VWC2: variants seen among roughly 807,000 people sequenced by gnomAD.
VWC2 encodes von Willebrand factor C domain containing 2.
VWC2 carries 14 observed loss-of-function variants against 29.8 expected under a neutral mutation model. That is an observed-to-expected ratio of 0.47 (90% CI 0.31 to 0.74). The LOEUF is 0.74. VWC2 is among the 30% of genes least tolerant of loss of function. The pLI, the probability that VWC2 is intolerant of heterozygous loss-of-function variation, is 0.05. For missense variants in VWC2, 457 were observed against 459.8 expected, an observed-to-expected ratio of 0.99 and a Z score of 0.05; for synonymous variants, 213 against 199.0, an observed-to-expected ratio of 1.07 and a Z score of -0.59.
intron 3 of VWC2, among the ~76,000 whole-genome samples, chr7:49,892,906 A>G (rs950946607): frequency 1.3e-5 from 2 of 152,200 alleles, no homozygotes; most frequent in Admixed American, 6.5e-5. Context: ...GGTTCTCAGT[A>G]TATGTTAGCA....
At chr7:49,882,030 C>T (rs147486511) in intron 3 of VWC2, among the ~76,000 whole-genome samples, 82 of 151,884 alleles carry the variant, frequency 5.4e-4, no homozygotes, top group Middle Eastern at 6.8e-3. Flanking sequence ...AGCACCCAAG[C>T]GCCATCTGCC....
At chr7:49,815,168 A>G (rs909979250) in intron 3 of VWC2, among the ~76,000 whole-genome samples, 1 of 152,220 alleles carries the variant, frequency 6.6e-6, no homozygotes, top group Non-Finnish European at 1.5e-5. Flanking sequence ...AAGATGAGTC[A>G]AGCAATGGTG....
At chr7:49,801,964 C>A (rs1321022104) in intron 2 of VWC2, among the ~76,000 whole-genome samples, 1 of 152,222 alleles carries the variant, frequency 6.6e-6, no homozygotes, top group East Asian at 1.9e-4. Flanking sequence ...GTCTTCGTAA[C>A]TGGAAACACT....
At chr7:49,849,296 T>C (rs1182004419) in intron 3 of VWC2, among the ~76,000 whole-genome samples, 2 of 152,328 alleles carry the variant, frequency 1.3e-5, no homozygotes, top group Middle Eastern at 3.4e-3. Flanking sequence ...GCTAGTTTTA[T>C]TAAATCTGCT....
At chr7:49,907,074 T>A (rs1441312245) in intron 3 of VWC2, among the ~76,000 whole-genome samples, 2 of 152,054 alleles carry the variant, frequency 1.3e-5, no homozygotes, top group Middle Eastern at 3.2e-3. Context: ...GGTCTGTGTA[T>A]GGATGTGGAG....
At chr7:49,909,753 G>A (rs1418373501) in intron 3 of VWC2, among the ~76,000 whole-genome samples, 1 of 152,128 alleles carries the variant, frequency 6.6e-6, no homozygotes, top group Non-Finnish European at 1.5e-5. Flanking sequence ...TTCTCTGAAA[G>A]AGAAAGAGTT....
chr7:49,897,021 G>A (rs897365795), intron 3 of VWC2, among the ~76,000 whole-genome samples: 31 of 150,626 alleles, frequency 2.1e-4, no homozygotes, highest in African/African-American at 6.4e-4. Context: ...TCAGCCTCCC[G>A]AGTAGCTGGG....
chr7:49,806,891 C>T (rs1292274598), intron 3 of VWC2, among the ~76,000 whole-genome samples: 2 of 152,018 alleles, frequency 1.3e-5, no homozygotes, highest in Admixed American at 6.6e-5. Flanking sequence ...TTACAGATTA[C>T]GTGATTGTGC....
chr7:49,890,474 T>C (rs1246675789), intron 3 of VWC2, among the ~76,000 whole-genome samples: 1 of 152,134 alleles, frequency 6.6e-6, no homozygotes, highest in Non-Finnish European at 1.5e-5. Context: ...ATCCATAACA[T>C]CTCTAGGTTA....
intron 3 of VWC2, among the ~76,000 whole-genome samples, chr7:49,812,395 C>T (rs2128707671): frequency 6.6e-6 from 1 of 152,256 alleles, no homozygotes; most frequent in Admixed American, 6.5e-5. Context: ...TGACTCACTC[C>T]CAAGGCTAAT....
intron 3 of VWC2, among the ~76,000 whole-genome samples, chr7:49,814,514 A>G (rs928050763): frequency 6.6e-6 from 1 of 152,196 alleles, no homozygotes; most frequent in Non-Finnish European, 1.5e-5. Context: ...GCTTGCAAGC[A>G]CTGGGGCAGA....
chr7:49,920,363 A>G lies in VWC2; in HGVS notation c.*8178A>G, dbSNP rs1203427679. The G allele has an allele frequency of 6.6e-6, 1 of 152,206 alleles. No homozygotes were observed. The highest frequency in any genetic ancestry group is 2.4e-5 in the African/African-American group (1 of 41,458). 9.4% of individuals were successfully genotyped at this position (152,206 alleles called of 1,614,324 possible). On this transcript the variant is annotated 3_prime_UTR_variant, in exon 4 of 4. Transcript: ENST00000340652. ...TTTCCAGCTGGAAGGTCATCTTTCT[A>G]TACATGCATGCATCTATACAAATGG... is the stretch of plus-strand genomic sequence containing the variant.
chr7:49,867,029 T>A (rs1447073477), intron 3 of VWC2, among the ~76,000 whole-genome samples: 1 of 152,178 alleles, frequency 6.6e-6, no homozygotes. Flanking sequence ...TCAGGACTGA[T>A]CTCATTATCT....
chr7:49,807,058 A>T (rs1788894653), intron 3 of VWC2, among the ~76,000 whole-genome samples: 1 of 152,212 alleles, frequency 6.6e-6, no homozygotes, highest in Non-Finnish European at 1.5e-5. Context: ...CATCATACAA[A>T]TCAAATACTT....
chr7:49,873,399 T>C (rs1321500090), intron 3 of VWC2, among the ~76,000 whole-genome samples: 1 of 152,146 alleles, frequency 6.6e-6, no homozygotes. Context: ...ATGGCACTAA[T>C]CCCACCATGA....
chr7:49,844,077 G>A (rs1275773718), intron 3 of VWC2, among the ~76,000 whole-genome samples: 1 of 152,194 alleles, frequency 6.6e-6, no homozygotes, highest in Admixed American at 6.5e-5. Context: ...ACTGAGGGCA[G>A]GTTTTGCTGC....
In VWC2 at chr7:49,914,676, T is replaced by C. The variant is rs1274385658; in HGVS notation, c.*2491T>C. ...TTAGACTTTCACAAATACATAGCTATCTCAGATTGACATTCTATTTTCCTC... is the reference window on the plus strand; with the variant it reads ...TTAGACTTTCACAAATACATAGCTACCTCAGATTGACATTCTATTTTCCTC... On this transcript the variant is annotated 3_prime_UTR_variant, in exon 4 of 4. Coordinates refer to ENST00000340652, the MANE Select transcript of VWC2 (RefSeq NM_198570.5). 6.6e-6 allele frequency: 1 copy of C among 152,248 alleles called. No homozygotes were observed. Among genetic ancestry groups the C allele is most frequent in the South Asian group, 2.1e-4 (1 of 4,834 alleles). 9.4% of individuals were successfully genotyped at this position (152,248 alleles called of 1,614,324 possible). A position where few individuals can be genotyped will look rare whatever the true frequency, so the allele number is the denominator to read the frequency against.
At chr7:49,822,489 A>G (rs1444092775) in intron 3 of VWC2, among the ~76,000 whole-genome samples, 1 of 152,138 alleles carries the variant, frequency 6.6e-6, no homozygotes, top group African/African-American at 2.4e-5. Context: ...GCTGGAGTGC[A>G]GGGCCAGGAT....
intron 2 of VWC2, among the ~76,000 whole-genome samples, chr7:49,796,309 T>C (rs1788588892): frequency 6.6e-6 from 1 of 152,208 alleles, no homozygotes; most frequent in African/African-American, 2.4e-5. Flanking sequence ...TTTTCATGCC[T>C]CCCATTTGTC....
Sources: gnomAD v4.1 joint callset for allele counts (sites outside exome capture counted in the v4.1 genomes callset) on GRCh38, gnomAD v4.1.1 for gene constraint, MANE v1.5 for transcripts, NCBI Gene and HGNC (gene_info 2026-07-23, HGNC 2026-07-21) for gene names.